Variants in FAM161A observed in about 807,000 individuals in gnomAD.
FAM161A encodes the protein FAM161 centrosomal protein A.
Under a neutral mutation model 70.9 loss-of-function variants are expected in FAM161A, and 57 were observed. The ratio of observed to expected loss-of-function variants is 0.80; its 90% confidence interval spans 0.65 to 1.00. FAM161A has a LOEUF of 1.00. FAM161A is among the 50% of genes least tolerant of loss of function. The pLI is 0.00. For missense variants in FAM161A, 880 were observed against 836.0 expected, an observed-to-expected ratio of 1.05 and a Z score of -0.65; for synonymous variants, 299 against 295.7, an observed-to-expected ratio of 1.01 and a Z score of -0.12.
At chr2:61,816,861 C>G in the FAM161A span, among the ~76,000 whole-genome samples, 1 of 152,288 alleles carries the variant, frequency 6.6e-6, no homozygotes, top group East Asian at 1.9e-4. Context: ...TCTAGCCACA[C>G]TGGCTGCATC....
At chr2:61,824,610 T>A (rs1366805935), downstream of FAM161A, among the ~76,000 whole-genome samples, 4 of 152,068 alleles carry the variant, frequency 2.6e-5, no homozygotes, top group Non-Finnish European at 4.4e-5. Context: ...ATTTTTTTTT[T>A]AAAGGTAAGA....
At chr2:61,811,341 G>C in the FAM161A span, among the ~76,000 whole-genome samples, 1 of 152,014 alleles carries the variant, frequency 6.6e-6, no homozygotes, top group Non-Finnish European at 1.5e-5. Flanking sequence ...GGGACTACAG[G>C]TATGCGCCGC....
chr2:61,846,924 T>C (rs934857796), intron 1 of FAM161A: 4 of 455,034 alleles, frequency 8.8e-6, no homozygotes, highest in African/African-American at 2.0e-5. Flanking sequence ...TTCATGCCTG[T>C]AATCCCAGCA....
chr2:61,849,688 G>A (rs1673428726), intron 1 of FAM161A, among the ~76,000 whole-genome samples: 1 of 151,312 alleles, frequency 6.6e-6, no homozygotes, highest in African/African-American at 2.4e-5. Context: ...AGGAGGCTGA[G>A]GCAGGAGAAT....
rs1672354771 is a variant in FAM161A, at chr2:61,826,146, A to G, written c.*309T>C. Reference sequence around the variant, plus strand: ...CTAAGCCATTTTTTCCAGTAAAATTAATGAAATAATGTATATTTTTATAAC... The same window carrying G: ...CTAAGCCATTTTTTCCAGTAAAATTGATGAAATAATGTATATTTTTATAAC... On this transcript the variant is annotated 3_prime_UTR_variant, in exon 7 of 7. Coordinates refer to ENST00000404929, the MANE Select transcript of FAM161A (RefSeq NM_001201543.2). 1 of 514,194 alleles carries G rather than the reference A, an allele frequency of 1.9e-6. No individual in the cohort carries two copies. The highest frequency in any genetic ancestry group is 1.9e-5 in the African/African-American group (1 of 52,406). The allele number at this position is 514,194 out of a possible 1,614,324, so 31.9% of individuals were successfully genotyped here. A position where few individuals can be genotyped will look rare whatever the true frequency, so the allele number is the denominator to read the frequency against.
At chr2:61,841,913 G>A (rs1467271907) in intron 2 of FAM161A, among the ~76,000 whole-genome samples, 1 of 152,098 alleles carries the variant, frequency 6.6e-6, no homozygotes, top group Non-Finnish European at 1.5e-5. Flanking sequence ...AGAAAGAAAA[G>A]ACCAAATGGC....
In FAM161A at chr2:61,836,007, A is replaced by C; in HGVS notation, c.1851+3T>G. On this transcript the variant is annotated splice_donor_region_variant and intron_variant, in intron 5 of 6. Transcript: ENST00000404929. Reference sequence around the variant, plus strand: ...ATAGCTCTTAAATTCCAATAAACACAACCTGAGCAACTCTTTCAAATAGCA... The same window carrying C: ...ATAGCTCTTAAATTCCAATAAACACCACCTGAGCAACTCTTTCAAATAGCA... The C allele has an allele frequency of 6.3e-7, 1 of 1,599,448 alleles. No individual in the cohort carries two copies. The highest frequency in any genetic ancestry group is 8.5e-7 in the Non-Finnish European group (1 of 1,170,552).
the FAM161A span, among the ~76,000 whole-genome samples, chr2:61,818,928 C>A: frequency 1.3e-5 from 2 of 152,074 alleles, no homozygotes; most frequent in East Asian, 3.9e-4. Context: ...GCCCTTTAAC[C>A]AAGTGATCAA....
intron 1 of FAM161A, among the ~76,000 whole-genome samples, chr2:61,845,105 G>A (rs1673158141): frequency 6.6e-6 from 1 of 152,210 alleles, no homozygotes; most frequent in Non-Finnish European, 1.5e-5. Flanking sequence ...AGAAGTAGCA[G>A]GTGCAGCCTT....
chr2:61,827,676 G>A (rs1180073890), intron 5 of FAM161A, among the ~76,000 whole-genome samples: 3 of 150,804 alleles, frequency 2.0e-5, no homozygotes, highest in Non-Finnish European at 4.4e-5. Flanking sequence ...AGTCACAGTT[G>A]TTTGAAAATC....
chr2:61,842,965 T>G (rs1445420192), intron 1 of FAM161A, among the ~76,000 whole-genome samples: 1 of 152,142 alleles, frequency 6.6e-6, no homozygotes, highest in South Asian at 2.1e-4. Flanking sequence ...GGAGGGACTT[T>G]CAGGGTAGCT....
chr2:61,805,109 C>T, the FAM161A span, among the ~76,000 whole-genome samples: 1 of 152,156 alleles, frequency 6.6e-6, no homozygotes, highest in Non-Finnish European at 1.5e-5. Flanking sequence ...CCTTTTCCAT[C>T]TTAACCAATT....
downstream of FAM161A, among the ~76,000 whole-genome samples, chr2:61,824,190 C>T (rs1265388885): frequency 2.2e-5 from 2 of 91,504 alleles, no homozygotes; most frequent in Admixed American, 2.9e-4. Context: ...CCACGCCTGG[C>T]TAATTTTTTT....
chr2:61,831,264 T>C (rs575917807), intron 5 of FAM161A, among the ~76,000 whole-genome samples: 1 of 152,310 alleles, frequency 6.6e-6, no homozygotes, highest in African/African-American at 2.4e-5. Flanking sequence ...TAATTTAGCA[T>C]TTATTTACTT....
intron 4 of FAM161A, 58 bp from the exon 5 acceptor site, chr2:61,836,167 C>A (rs975055099): frequency 8.7e-6 from 10 of 1,147,806 alleles, no homozygotes; most frequent in African/African-American, 1.5e-5. Flanking sequence ...TAAGAACTTA[C>A]ATATGTAACA....
At chr2:61,805,922 A>C in the FAM161A span, among the ~76,000 whole-genome samples, 1 of 152,182 alleles carries the variant, frequency 6.6e-6, no homozygotes, top group Non-Finnish European at 1.5e-5. Context: ...CTTTTTAAAA[A>C]TTAACCTGTT....
intron 1 of FAM161A, 65 bp downstream of exon 1, chr2:61,853,794 C>T: frequency 1.3e-6 from 2 of 1,583,528 alleles, no homozygotes; most frequent in Non-Finnish European, 1.7e-6. Flanking sequence ...GGCGGGGAAC[C>T]GGACAGCCCT....
Position 61,840,100 on chromosome 2 carries a change from G to A in FAM161A, c.904C>T (p.Gln302Ter). The change falls in exon 3 of 7, where the codon CAA (glutamine) becomes TAA (stop). Residue 302 changes from glutamine to a stop codon, truncating the protein, a stop_gained. Transcript: ENST00000404929. LOFTEE classifies it high-confidence loss of function. ...FLPLYHDLVK[Q>*]KEERRRSLKE... ...AGAGACCTTCTCCGTTCTTCTTTTT[G>A]CTTGACTAAATCATGGTAAAGGGGG... The A allele has an allele frequency of 6.2e-7, 1 of 1,614,038 alleles. No individual in the cohort carries two copies. The highest frequency in any genetic ancestry group is 8.5e-7 in the Non-Finnish European group (1 of 1,180,014).
chr2:61,826,908 C>G (rs552843051), intron 6 of FAM161A, among the ~76,000 whole-genome samples, 196 bp downstream of exon 6: 2 of 152,290 alleles, frequency 1.3e-5, no homozygotes, highest in Non-Finnish European at 2.9e-5. Context: ...AAATAAAATA[C>G]TTCATGTGAA....
Sources: gnomAD v4.1 joint callset for allele counts (sites outside exome capture counted in the v4.1 genomes callset) on GRCh38, gnomAD v4.1.1 for gene constraint, MANE v1.5 for transcripts, NCBI Gene and HGNC (gene_info 2026-07-23, HGNC 2026-07-21) for gene names.